Variants in CNTN5 observed in about 807,000 individuals in gnomAD.
CNTN5 encodes contactin 5.
Under a neutral mutation model 129.1 loss-of-function variants are expected in CNTN5, and 77 were observed. The observed-to-expected ratio is 0.60, with a 90% CI of 0.50 to 0.72. CNTN5 has a LOEUF of 0.72. CNTN5 is among the 30% of genes least tolerant of loss of function. The pLI, the probability that CNTN5 is intolerant of heterozygous loss-of-function variation, is 0.00. For missense variants in CNTN5, 1,478 were observed against 1,328.8 expected (o/e 1.11, Z -1.75); for synonymous variants, 509 against 465.6 (o/e 1.09, Z -1.20).
At chr11:99,790,907 C>G (rs1277868892) in intron 3 of CNTN5, among the ~76,000 whole-genome samples, 2 of 152,036 alleles carry the variant, frequency 1.3e-5, no homozygotes, top group African/African-American at 2.4e-5. Flanking sequence ...TCTCTAATGA[C>G]TAGTAATATT....
chr11:99,903,083 TA>T (rs1428598557), intron 6 of CNTN5, among the ~76,000 whole-genome samples: 1 of 152,112 alleles, frequency 6.6e-6, no homozygotes, highest in Non-Finnish European at 1.5e-5. Context: ...GTTACTTGAT[TA>T]AACTATACAA....
intron 2 of CNTN5, among the ~76,000 whole-genome samples, chr11:99,372,433 G>A (rs1939880123): frequency 6.6e-6 from 1 of 152,188 alleles, no homozygotes; most frequent in African/African-American, 2.4e-5. Flanking sequence ...TGTAACTGAA[G>A]TGATGCTAAA....
At chr11:99,181,655 G>A (rs1417765898) in intron 1 of CNTN5, among the ~76,000 whole-genome samples, 3 of 152,182 alleles carry the variant, frequency 2.0e-5, no homozygotes, top group Non-Finnish European at 4.4e-5. Context: ...TAACAAAAAT[G>A]GAGGGGAGGA....
In CNTN5 at chr11:99,889,309, TG is replaced by T. The variant is rs1290472869; in HGVS notation, c.578-26744del. Among the ~76,000 whole-genome samples, 209 of 112,500 alleles carry T rather than the reference TG, an allele frequency of 1.9e-3. 4 individuals are homozygous for T. The East Asian group carries it at 0.033, about 18-fold the overall frequency. 73.8% of individuals were successfully genotyped at this position (112,500 alleles called of 152,430 possible). A position where few individuals can be genotyped will look rare whatever the true frequency, so the allele number is the denominator to read the frequency against. The stretch of plus-strand genomic sequence containing the variant: ...CAGAGCAGGTGTGTGTGTGTGTGTG[TG>T]TGTGTGTGTGTGTGTGTGTGTGTGT... On this transcript the variant is annotated intron_variant, in intron 6 of 24. Coordinates refer to ENST00000524871, the MANE Select transcript of CNTN5 (RefSeq NM_014361.4).
At chr11:99,834,689 G>A (rs1407347577) in intron 4 of CNTN5, among the ~76,000 whole-genome samples, 2 of 152,144 alleles carry the variant, frequency 1.3e-5, no homozygotes, top group Admixed American at 6.5e-5. Flanking sequence ...TTTGAGAACT[G>A]CTAGATGGAT....
intron 9 of CNTN5, among the ~76,000 whole-genome samples, chr11:100,053,355 A>G (rs2137755528): frequency 6.6e-6 from 1 of 151,848 alleles, no homozygotes; most frequent in Non-Finnish European, 1.5e-5. Flanking sequence ...TTGATAAAGA[A>G]CTTGTATCCA....
chr11:100,060,231 A>G (rs959048420), intron 9 of CNTN5, among the ~76,000 whole-genome samples: 5 of 151,460 alleles, frequency 3.3e-5, no homozygotes, highest in African/African-American at 1.2e-4. Context: ...AAAAAAAAAA[A>G]GAAAAACCTC....
intron 6 of CNTN5, among the ~76,000 whole-genome samples, chr11:99,871,684 T>G (rs960929394): frequency 6.6e-6 from 1 of 152,074 alleles, no homozygotes; most frequent in Non-Finnish European, 1.5e-5. Flanking sequence ...TTGTCTTTTT[T>G]CTAGCACAGC....
intron 2 of CNTN5, among the ~76,000 whole-genome samples, chr11:99,327,520 T>C (rs1235847533): frequency 6.6e-6 from 1 of 152,180 alleles, no homozygotes; most frequent in Non-Finnish European, 1.5e-5. Context: ...CAGAGCAAAG[T>C]GCACTCTTAT....
At chr11:99,715,404 C>G (rs988138631) in intron 3 of CNTN5, among the ~76,000 whole-genome samples, 1 of 151,612 alleles carries the variant, frequency 6.6e-6, no homozygotes, top group South Asian at 2.1e-4. Context: ...TGAAGATAGG[C>G]AACTTGAGAC....
chr11:99,539,561 T>C (rs144677681), intron 2 of CNTN5, among the ~76,000 whole-genome samples: 4 of 152,208 alleles, frequency 2.6e-5, no homozygotes, highest in Admixed American at 6.5e-5. Flanking sequence ...GTAAGTATCA[T>C]AAAAATTTAT....
chr11:99,866,064 A>G (rs1387104381), intron 6 of CNTN5, among the ~76,000 whole-genome samples: 1 of 152,206 alleles, frequency 6.6e-6, no homozygotes, highest in Non-Finnish European at 1.5e-5. Context: ...ATCCAGGGTC[A>G]TGTGAGGATG....
At chr11:99,266,923 C>G (rs1208558736) in intron 1 of CNTN5, among the ~76,000 whole-genome samples, 1 of 151,830 alleles carries the variant, frequency 6.6e-6, no homozygotes, top group Non-Finnish European at 1.5e-5. Context: ...GCAGTTAGTC[C>G]AAGTGCTCTG....
intron 3 of CNTN5, among the ~76,000 whole-genome samples, chr11:99,700,374 G>A (rs747823177): frequency 9.2e-5 from 14 of 151,418 alleles, no homozygotes; most frequent in East Asian, 3.9e-4. Flanking sequence ...AATATAAAAC[G>A]CATTTAGGGC....
At chr11:99,302,755 A>T (rs1864701430) in intron 1 of CNTN5, among the ~76,000 whole-genome samples, 1 of 151,838 alleles carries the variant, frequency 6.6e-6, no homozygotes. Context: ...TGGTATGTGA[A>T]ATATATCTCA....
chr11:99,032,373 A>G (rs1287294813), intron 1 of CNTN5, among the ~76,000 whole-genome samples: 24 of 150,940 alleles, frequency 1.6e-4, no homozygotes, highest in South Asian at 1.1e-3. Flanking sequence ...ACTAGTTTAC[A>G]GTCCCACCAA....
At chr11:99,247,532 A>G (rs1329616281) in intron 1 of CNTN5, among the ~76,000 whole-genome samples, 2 of 151,924 alleles carry the variant, frequency 1.3e-5, no homozygotes, top group Non-Finnish European at 1.5e-5. Flanking sequence ...ACATATGTAT[A>G]CATGTGCCAT....
At chr11:99,135,227 A>C (rs1344473528) in intron 1 of CNTN5, among the ~76,000 whole-genome samples, 1 of 152,072 alleles carries the variant, frequency 6.6e-6, no homozygotes, top group South Asian at 2.1e-4. Context: ...GCAAGTAAAT[A>C]CATATAAAAA....
intron 15 of CNTN5, among the ~76,000 whole-genome samples, chr11:100,213,627 T>C (rs1196132670): frequency 6.6e-6 from 1 of 152,212 alleles, no homozygotes; most frequent in African/African-American, 2.4e-5. Flanking sequence ...TCCTTGACCT[T>C]GAACTTTTCA....
Sources: gnomAD v4.1 joint callset for allele counts (sites outside exome capture counted in the v4.1 genomes callset) on GRCh38, gnomAD v4.1.1 for gene constraint, MANE v1.5 for transcripts, NCBI Gene and HGNC (gene_info 2026-07-23, HGNC 2026-07-21) for gene names.